Variants in PHF14 observed in about 807,000 individuals in gnomAD.
The protein encoded by PHF14 is PHD finger protein 14.
PHF14 carries 55 observed loss-of-function variants against 117.9 expected under a neutral mutation model. The ratio of observed to expected loss-of-function variants is 0.47; its 90% CI spans 0.38 to 0.58. PHF14 has a LOEUF of 0.58. Ranked by LOEUF, PHF14 falls within the 20% of genes least tolerant of loss-of-function variation. The probability of loss-of-function intolerance (pLI) is 0.00; values close to 1 mark genes in which losing one functional copy is unlikely to be tolerated. For missense variants in PHF14, 978 were observed against 1,122.2 expected, an observed-to-expected ratio of 0.87 and a Z score of 1.84; for synonymous variants, 409 against 368.6, an observed-to-expected ratio of 1.11 and a Z score of -1.26.
At chr7:11,102,730 C>T in intron 16 of PHF14, 3 of 1,380,408 alleles carry the variant, frequency 2.2e-6, no homozygotes, top group Non-Finnish European at 2.8e-6. Flanking sequence ...GTAGATTTGC[C>T]TGTGTGGAAT....
intron 16 of PHF14, among the ~76,000 whole-genome samples, chr7:11,086,452 C>T (rs1176217757): frequency 6.6e-6 from 1 of 152,106 alleles, no homozygotes; most frequent in African/African-American, 2.4e-5. Flanking sequence ...CTGAAATAAC[C>T]TCGTCTTTTT....
chr7:11,138,559 C>T (rs1448819021), intron 17 of PHF14, among the ~76,000 whole-genome samples: 1 of 152,120 alleles, frequency 6.6e-6, no homozygotes, highest in Non-Finnish European at 1.5e-5. Flanking sequence ...TTAACAGCAT[C>T]AATTGTGATA....
chr7:11,057,437 T>A (rs1785055825), intron 14 of PHF14, among the ~76,000 whole-genome samples: 1 of 152,146 alleles, frequency 6.6e-6, no homozygotes, highest in Non-Finnish European at 1.5e-5. Context: ...TGCAGTGGTG[T>A]GACCTTGGCT....
At chr7:11,067,903 A>G (rs1443360162) in intron 16 of PHF14, among the ~76,000 whole-genome samples, 2 of 152,144 alleles carry the variant, frequency 1.3e-5, no homozygotes, top group Non-Finnish European at 2.9e-5. Context: ...TGAGGAGGTC[A>G]ATAATCTCTT....
At chr7:11,127,525 TC>T (rs1256359016) in intron 17 of PHF14, among the ~76,000 whole-genome samples, 2 of 152,042 alleles carry the variant, frequency 1.3e-5, no homozygotes, top group African/African-American at 4.8e-5. Flanking sequence ...CAGCCATGCA[TC>T]TTTGCTTTGC....
intron 16 of PHF14, among the ~76,000 whole-genome samples, chr7:11,074,615 C>T (rs1287117279): frequency 3.3e-5 from 5 of 152,192 alleles, no homozygotes; most frequent in African/African-American, 1.2e-4. Flanking sequence ...GAAATTTCTT[C>T]TACCAGAAAC....
intron 17 of PHF14, among the ~76,000 whole-genome samples, chr7:11,134,837 A>T (rs1336120634): frequency 6.6e-6 from 1 of 152,122 alleles, no homozygotes; most frequent in Non-Finnish European, 1.5e-5. Flanking sequence ...CAAACTATAG[A>T]AGGATACACA....
At chr7:11,074,404 G>A (rs1442408843) in intron 16 of PHF14, among the ~76,000 whole-genome samples, 2 of 151,888 alleles carry the variant, frequency 1.3e-5, no homozygotes, top group Non-Finnish European at 2.9e-5. Flanking sequence ...TAGAGGCAGG[G>A]TTTCGCCGTG....
intron 17 of PHF14, among the ~76,000 whole-genome samples, chr7:11,122,903 G>A (rs758657418): frequency 6.6e-6 from 1 of 152,072 alleles, no homozygotes; most frequent in Non-Finnish European, 1.5e-5. Flanking sequence ...TGCATGTCCA[G>A]GAACTTCTCT....
intron 16 of PHF14, among the ~76,000 whole-genome samples, chr7:11,077,472 G>C (rs980538499): frequency 1.3e-5 from 2 of 151,564 alleles, no homozygotes; most frequent in African/African-American, 2.4e-5. Flanking sequence ...GTGGTGGCAC[G>C]CGCCTGTAGT....
chr7:11,122,441 ACGTATATATATATATT>A (rs1473274958), intron 17 of PHF14, among the ~76,000 whole-genome samples: 2 of 122,734 alleles, frequency 1.6e-5, no homozygotes, highest in East Asian at 5.4e-4. Context: ...ATATATATAT[ACGTATATATATATATT>A]GTGTGTGTGT....
intron 3 of PHF14, among the ~76,000 whole-genome samples, chr7:10,985,696 A>C (rs1782200918): frequency 9.1e-6 from 1 of 110,480 alleles, no homozygotes; most frequent in African/African-American, 3.5e-5. Flanking sequence ...TCTGTTGCCT[A>C]GGCTGGAGTA....
At chr7:11,126,212 T>G (rs1334698786) in intron 17 of PHF14, among the ~76,000 whole-genome samples, 2 of 152,130 alleles carry the variant, frequency 1.3e-5, no homozygotes, top group Admixed American at 6.6e-5. Context: ...TTCTTTATTT[T>G]AATGCAGCAG....
chr7:11,061,955 G>C lies in PHF14; in HGVS notation c.2533-9G>C. 1.3e-6 allele frequency: 2 copies of C among 1,581,638 alleles called. No individual in the cohort carries two copies. Among genetic ancestry groups the C allele is most frequent in the Non-Finnish European group, 1.7e-6 (2 of 1,163,254 alleles). On this transcript the variant is annotated splice_polypyrimidine_tract_variant and intron_variant, in intron 15 of 17. Transcript: ENST00000634607. ...GTTATGTTTTATTTTATTATCCCTTGTATGGCAGGAAAGAGTTCCTAGAGA... is the reference window on the plus strand; with the variant it reads ...GTTATGTTTTATTTTATTATCCCTTCTATGGCAGGAAAGAGTTCCTAGAGA...
intron 4 of PHF14, among the ~76,000 whole-genome samples, chr7:11,000,178 C>G (rs1482604929): frequency 6.6e-6 from 1 of 152,068 alleles, no homozygotes; most frequent in African/African-American, 2.4e-5. Flanking sequence ...TACGTTTTGA[C>G]TTAAAAAATT....
intron 13 of PHF14, among the ~76,000 whole-genome samples, chr7:11,043,754 A>T (rs192360353): frequency 2.1e-4 from 32 of 152,208 alleles, no homozygotes; most frequent in Non-Finnish European, 4.3e-4. Flanking sequence ...TGTATTTATT[A>T]TGGTTTTTAT....
At chr7:11,153,939 C>CTGTGTGTGTGTGTGTGTG (rs975709011) in intron 17 of PHF14, among the ~76,000 whole-genome samples, 143 of 138,520 alleles carry the variant, frequency 1.0e-3, no homozygotes, top group African/African-American at 3.6e-3. Flanking sequence ...TGGTCCCTGT[C>CTGTGTGTGTGTGTGTGTG]TGTGTGTGCG....
chr7:11,166,711 C>A (rs1789211152), intron 17 of PHF14, among the ~76,000 whole-genome samples: 1 of 152,066 alleles, frequency 6.6e-6, no homozygotes, highest in Non-Finnish European at 1.5e-5. Flanking sequence ...CTTCATAATG[C>A]TTTTCTGCAC....
At chr7:11,102,726 T>C in intron 16 of PHF14, 1 of 1,386,216 alleles carries the variant, frequency 7.2e-7, no homozygotes, top group Non-Finnish European at 9.3e-7. Flanking sequence ...GGCAGTAGAT[T>C]TGCCTGTGTG....
Sources: allele counts gnomAD v4.1 joint callset (sites outside exome capture counted in the v4.1 genomes callset), GRCh38; gene constraint gnomAD v4.1.1; transcripts MANE v1.5; gene names NCBI Gene and HGNC (gene_info 2026-07-23, HGNC 2026-07-21).